ATRIP: variants seen among roughly 807,000 people sequenced by gnomAD.
The protein encoded by ATRIP is ATR-interacting protein.
In ATRIP, 44 loss-of-function variants were observed where a neutral mutation model predicts 78.1. The ratio of observed to expected loss-of-function variants is 0.56; its 90% confidence interval spans 0.44 to 0.72. ATRIP has a LOEUF of 0.72. ATRIP is among the 30% of genes least tolerant of loss of function. The pLI, the probability that ATRIP is intolerant of heterozygous loss-of-function variation, is 0.00. For missense variants in ATRIP, 927 were observed against 980.2 expected (o/e 0.95, Z 0.72); for synonymous variants, 388 against 408.9 (o/e 0.95, Z 0.62).
rs150877117 is a variant in ATRIP, at chr3:48,454,407, T to C, written c.660T>C (p.Val220=). ...CAAATAAACTGGCTGCTCCCTCTGT[T>C]TCCCATGTCAGGTAATGATGGTGCT... ...ERANKLAAPS[V]SHVSPRKNPS... The change falls in exon 4 of 13, where the codon GTT becomes GTC. Residue 220 remains valine, a synonymous_variant. Coordinates refer to ENST00000320211, the MANE Select transcript of ATRIP (RefSeq NM_130384.3). The C allele has an allele frequency of 2.1e-5, 34 of 1,609,982 alleles. No homozygotes were observed. The East Asian group carries it at 7.6e-4, about 36-fold the overall frequency.
intron 9 of ATRIP, 57 bp downstream of exon 9, chr3:48,463,938 G>C (rs1381742843): frequency 6.2e-7 from 1 of 1,610,226 alleles, no homozygotes; most frequent in Non-Finnish European, 8.5e-7. Context: ...GGAAGGGTTG[G>C]GGTGGGAACA....
At position 48,446,922 on chromosome 3, in the gene ATRIP, C is replaced by G; in HGVS notation, c.77C>G (p.Thr26Ser). The change falls in exon 1 of 13, where the codon ACC becomes AGC. Residue 26 changes from threonine to serine, a missense_variant. By Grantham distance (58) the Thr-to-Ser change is moderately conservative. Transcript: ENST00000320211. ...CCTCGCCCCGGCCCGCCGCCGGGCA[C>G]CGGGCACCCCCCGAGCAAGCGGGCC... ...PAPRPGPPPG[T>S]GHPPSKRARG... The G allele has an allele frequency of 7.1e-7, 1 of 1,414,434 alleles. No individual in the cohort carries two copies. Among genetic ancestry groups the G allele is most frequent in the Non-Finnish European group, 9.2e-7 (1 of 1,086,124 alleles). The allele number at this position is 1,414,434 out of a possible 1,614,324, so 87.6% of individuals were successfully genotyped here.
chr3:48,457,483 A>G, intron 5 of ATRIP, 67 bp downstream of exon 5: 1 of 1,244,868 alleles, frequency 8.0e-7, no homozygotes, highest in Admixed American at 3.5e-5. Context: ...AACAATTATT[A>G]TTTATTTTCT....
intron 4 of ATRIP, among the ~76,000 whole-genome samples, chr3:48,454,666 A>G (rs2039911786): frequency 6.6e-6 from 1 of 152,184 alleles, no homozygotes; most frequent in African/African-American, 2.4e-5. Flanking sequence ...CTTCAGGACT[A>G]GAAAGACCTG....
At chr3:48,455,985 G>A (rs577664882) in intron 4 of ATRIP, among the ~76,000 whole-genome samples, 71 of 152,046 alleles carry the variant, frequency 4.7e-4, no homozygotes, top group Non-Finnish European at 7.9e-4. Context: ...GCTGGGCATG[G>A]TGGCATGCGC....
chr3:48,460,874 T>C lies in ATRIP; in HGVS notation c.1745+75T>C, dbSNP rs953129499. 49 of 1,383,548 alleles carry C rather than the reference T, an allele frequency of 3.5e-5. No homozygotes were observed. In the African/African-American group the frequency reaches 6.6e-4, roughly 19 times the overall value. 85.7% of individuals were successfully genotyped at this position (1,383,548 alleles called of 1,614,324 possible). ...CTTAAGGTCTAACCCATGGCACTTG[T>C]ACTTTGCTCACATCTTGACTTATCT... On this transcript the variant is annotated intron_variant, in intron 8 of 12. Transcript: ENST00000320211.
Position 48,467,068 on chromosome 3 carries a change from T to A in ATRIP, c.*1514T>A. The stretch of plus-strand genomic sequence containing the variant: ...GACTTCCCCCTGCTCCAAGCAGAGC[T>A]GGCTATGCTGGGCCTCACCAGTGCT... On this transcript the variant is annotated 3_prime_UTR_variant, in exon 13 of 13. Coordinates refer to ENST00000320211, the MANE Select transcript of ATRIP (RefSeq NM_130384.3). 1 of 1,613,980 alleles carries A rather than the reference T, an allele frequency of 6.2e-7. No homozygotes were observed. Among genetic ancestry groups the A allele is most frequent in the Non-Finnish European group, 8.5e-7 (1 of 1,180,040 alleles).
rs2040077289 is a variant in ATRIP at position 48,460,584 on chromosome 3, CAGG to C, written c.1533_1535del (p.Arg511del). On this transcript the variant is annotated inframe_deletion, in exon 8 of 13. Coordinates refer to ENST00000320211, the MANE Select transcript of ATRIP (RefSeq NM_130384.3). ...CAGATTCTGCTGCTGGGGAAGGAAACAGGAGCCTGGTTCACAGGCTTAGTGATG... is the reference window on the plus strand; with the variant it reads ...CAGATTCTGCTGCTGGGGAAGGAAACAGCCTGGTTCACAGGCTTAGTGATG... 2 of 1,614,182 alleles carry C rather than the reference CAGG, an allele frequency of 1.2e-6. No homozygotes were observed. The highest frequency in any genetic ancestry group is 1.6e-4 in the Middle Eastern group (1 of 6,062).
intron 8 of ATRIP, chr3:48,461,585 C>T (rs570028483): frequency 3.5e-4 from 53 of 152,382 alleles, no homozygotes; most frequent in Middle Eastern, 3.4e-3. Context: ...AGGTGGTACT[C>T]AGCTGGACAC....
In ATRIP at chr3:48,447,666, T is replaced by C. The variant is rs548416018; in HGVS notation, c.247+574T>C. On this transcript the variant is annotated intron_variant, in intron 1 of 12. Coordinates refer to ENST00000320211, the MANE Select transcript of ATRIP (RefSeq NM_130384.3). Reference sequence around the variant, plus strand: ...GCTTACATTCTAGTTGAGGAGTGAGTGAAGTCTTGAGGACTCCCAGAAAGA... The same window carrying C: ...GCTTACATTCTAGTTGAGGAGTGAGCGAAGTCTTGAGGACTCCCAGAAAGA... 86 of 528,062 alleles carry C rather than the reference T, an allele frequency of 1.6e-4. No homozygotes were observed. The African/African-American group carries it at 1.7e-3, about 10-fold the overall frequency. 32.7% of individuals were successfully genotyped at this position (528,062 alleles called of 1,614,324 possible).
intron 5 of ATRIP, among the ~76,000 whole-genome samples, chr3:48,458,365 C>G (rs2040010662): frequency 6.6e-6 from 1 of 151,324 alleles, no homozygotes. Flanking sequence ...ACTCTGTCAC[C>G]AGGCTGGAGT....
rs373876183 is a variant in ATRIP at position 48,467,129 on chromosome 3, G to A, written c.*1575G>A. 1.1e-5 allele frequency: 18 copies of A among 1,613,952 alleles called. No individual in the cohort carries two copies. Among genetic ancestry groups the A allele is most frequent in the Admixed American group, 5.0e-5 (3 of 60,026 alleles). ...CCTTCTGTGTGGATAGCATCACTGC[G>A]CTGAAGGCCCTGGAGCGAGCAAGCA... is the stretch of plus-strand genomic sequence containing the variant. On this transcript the variant is annotated 3_prime_UTR_variant, in exon 13 of 13. Transcript: ENST00000320211.
At chr3:48,453,528 G>A (rs1429378727) in intron 3 of ATRIP, among the ~76,000 whole-genome samples, 1 of 152,194 alleles carries the variant, frequency 6.6e-6, no homozygotes, top group Non-Finnish European at 1.5e-5. Context: ...AACCAGAAAG[G>A]TTGTTGGGAG....
intron 8 of ATRIP, among the ~76,000 whole-genome samples, chr3:48,461,960 C>G (rs910757929): frequency 3.9e-5 from 6 of 152,146 alleles, no homozygotes; most frequent in African/African-American, 1.4e-4. Context: ...CCTGCCTTGG[C>G]CTGCCAAAGT....
chr3:48,447,410 C>T, intron 1 of ATRIP: 9 of 1,053,362 alleles, frequency 8.5e-6, no homozygotes, highest in South Asian at 4.4e-5. Flanking sequence ...CCATCAGAAC[C>T]ATCACTACCC....
At chr3:48,453,444 A>G (rs918944531) in intron 3 of ATRIP, among the ~76,000 whole-genome samples, 1 of 152,244 alleles carries the variant, frequency 6.6e-6, no homozygotes, top group African/African-American at 2.4e-5. Context: ...TCCAGGCTTC[A>G]TCACACATAA....
In ATRIP at chr3:48,466,528, A is replaced by C. The variant is rs201158262; in HGVS notation, c.*974A>C. 2 of 1,613,938 alleles carry C rather than the reference A, an allele frequency of 1.2e-6. No homozygotes were observed. Among genetic ancestry groups the C allele is most frequent in the South Asian group, 2.2e-5 (2 of 91,084 alleles). ...GCTCGCAGACAGGGCAGGATTGTGC[A>C]GGGAAGGCCTGAGATGTGCTTCTGC... On this transcript the variant is annotated 3_prime_UTR_variant, in exon 13 of 13. Transcript: ENST00000320211.
At position 48,465,792 on chromosome 3, in the gene ATRIP, G is replaced by C; in HGVS notation, c.*238G>C. Reference sequence around the variant, plus strand: ...GTCCCCATGGTAACTGATCTGCCTTGAGGAAGGAGCCCTGCCCTGCCTGTG... The same window carrying C: ...GTCCCCATGGTAACTGATCTGCCTTCAGGAAGGAGCCCTGCCCTGCCTGTG... On this transcript the variant is annotated 3_prime_UTR_variant, in exon 13 of 13. Coordinates refer to ENST00000320211, the MANE Select transcript of ATRIP (RefSeq NM_130384.3). The C allele has an allele frequency of 4.1e-6, 2 of 491,992 alleles. No individual in the cohort carries two copies. Among genetic ancestry groups the C allele is most frequent in the Non-Finnish European group, 3.7e-6 (1 of 268,066 alleles). The allele number at this position is 491,992 out of a possible 1,614,324, so 30.5% of individuals were successfully genotyped here.
Position 48,467,497 on chromosome 3 carries a change from C to T in ATRIP, c.*1943C>T. 1.9e-6 allele frequency: 3 copies of T among 1,614,084 alleles called. No homozygotes were observed. The highest frequency in any genetic ancestry group is 2.5e-6 in the Non-Finnish European group (3 of 1,179,994). On this transcript the variant is annotated 3_prime_UTR_variant, in exon 13 of 13. Coordinates refer to ENST00000320211, the MANE Select transcript of ATRIP (RefSeq NM_130384.3). Reference sequence around the variant, plus strand: ...CTTCCTCCAGTGAAGGACCCTGGAGCCCTATCCAGGGAGGGGCTGCTGGCC... The same window carrying T: ...CTTCCTCCAGTGAAGGACCCTGGAGTCCTATCCAGGGAGGGGCTGCTGGCC...
Sources: allele counts gnomAD v4.1 joint callset (sites outside exome capture counted in the v4.1 genomes callset), GRCh38; gene constraint gnomAD v4.1.1; transcripts MANE v1.5; gene names NCBI Gene and HGNC (gene_info 2026-07-23, HGNC 2026-07-21).